Variants in APPL2 observed in about 807,000 individuals in gnomAD.
The protein encoded by APPL2 is DCC-interacting protein 13-beta.
A neutral mutation model predicts 92.7 loss-of-function variants in APPL2; 84 were observed. That is an observed-to-expected ratio of 0.91 (90% confidence interval 0.76 to 1.09). The LOEUF is 1.09. APPL2 is among the 50% of genes least tolerant of loss of function. The pLI, the probability that APPL2 is intolerant of heterozygous loss-of-function variation, is 0.00. For missense variants in APPL2, 736 were observed against 824.5 expected, an observed-to-expected ratio of 0.89 and a Z score of 1.31; for synonymous variants, 291 against 291.0, an observed-to-expected ratio of 1.00 and a Z score of 0.00.
chr12:105,196,051 T>C (rs1887612289), intron 11 of APPL2, among the ~76,000 whole-genome samples: 1 of 133,738 alleles, frequency 7.5e-6, no homozygotes. Flanking sequence ...CAAGGCCCTA[T>C]CTCAAACAAA....
intron 17 of APPL2, among the ~76,000 whole-genome samples, chr12:105,186,694 T>C (rs1344009986): frequency 1.6e-5 from 1 of 60,856 alleles, no homozygotes; most frequent in Non-Finnish European, 3.2e-5. Flanking sequence ...ATATATATCA[T>C]ATATCATATC....
In APPL2 at chr12:105,235,989, C is replaced by T. The variant is rs1280980533; in HGVS notation, c.24G>A (p.Leu8=). Residue 8 remains leucine (L), a synonymous_variant, in exon 1 of 21, where the codon CTG becomes CTA. Transcript: ENST00000258530. ...GGCTGTCCTGCAACGCCTCCTCTAG[C>T]AGGAGCTTGTCCACGGCGGGCATGG... MPAVDKL[L]LEEALQDSPQ... The T allele has an allele frequency of 3.0e-5, 37 of 1,253,776 alleles. No homozygotes were observed. The highest frequency in any genetic ancestry group is 3.7e-5 in the Non-Finnish European group (37 of 991,034). The allele number at this position is 1,253,776 out of a possible 1,614,324, so 77.7% of individuals were successfully genotyped here.
At chr12:105,204,698 T>C (rs1039876006) in intron 8 of APPL2, among the ~76,000 whole-genome samples, 11 of 152,196 alleles carry the variant, frequency 7.2e-5, no homozygotes, top group Admixed American at 4.6e-4. Context: ...CACAATGTCA[T>C]GGTGGCCTCC....
intron 17 of APPL2, among the ~76,000 whole-genome samples, chr12:105,179,561 C>T (rs999854591): frequency 6.6e-6 from 1 of 152,210 alleles, no homozygotes; most frequent in African/African-American, 2.4e-5. Context: ...AATCGCCACA[C>T]TGTCTTCCAC....
chr12:105,208,334 C>T, intron 5 of APPL2, 135 bp from the exon 6 acceptor site: 1 of 1,034,802 alleles, frequency 9.7e-7, no homozygotes, highest in Non-Finnish European at 1.4e-6. Context: ...CTGGCTCTCA[C>T]AGGCTGGCCC....
At chr12:105,202,253 T>C (rs1286614205) in intron 9 of APPL2, among the ~76,000 whole-genome samples, 1 of 152,216 alleles carries the variant, frequency 6.6e-6, no homozygotes, top group Non-Finnish European at 1.5e-5. Context: ...GAAGGCCATG[T>C]AGCCCGGGCG....
At position 105,186,667 on chromosome 12, in the gene APPL2, T is replaced by TATATGATATATTATATCATATATATC; in HGVS notation, c.1634+1605_1634+1606insGATATATATGATATAATATATCATAT. Among the ~76,000 whole-genome samples, 2 of 33,148 alleles carry TATATGATATATTATATCATATATATC rather than the reference T, an allele frequency of 6.0e-5. 1 individual carries two copies. The highest frequency in any genetic ancestry group is 9.6e-3 in the East Asian group (2 of 208). 21.7% of individuals were successfully genotyped at this position (33,148 alleles called of 152,430 possible). ...TATGATATCGATATCATATATATCA[T>TATATGATATATTATATCATATATATC]ATATATGATATATCATATATATATC... On this transcript the variant is annotated intron_variant, in intron 17 of 20. Transcript: ENST00000258530.
intron 2 of APPL2, among the ~76,000 whole-genome samples, chr12:105,220,046 A>G (rs193196754): frequency 2.6e-5 from 4 of 152,338 alleles, no homozygotes; most frequent in East Asian, 3.9e-4. Flanking sequence ...TAATAACTCT[A>G]TTTTATAGAT....
chr12:105,225,018 T>C (rs546671865), intron 2 of APPL2, among the ~76,000 whole-genome samples: 1 of 152,292 alleles, frequency 6.6e-6, no homozygotes, highest in South Asian at 2.1e-4. Context: ...TCAGGATCAG[T>C]AGTTCTGTAT....
At chr12:105,191,158 G>A (rs1310189504) in intron 14 of APPL2, among the ~76,000 whole-genome samples, 1 of 152,196 alleles carries the variant, frequency 6.6e-6, no homozygotes, top group Non-Finnish European at 1.5e-5. Context: ...ACTGGAATGT[G>A]GATGAAACAG....
At chr12:105,175,936 T>G in intron 20 of APPL2, 99 bp downstream of exon 20, 1 of 1,236,344 alleles carries the variant, frequency 8.1e-7, no homozygotes, top group Non-Finnish European at 1.1e-6. Flanking sequence ...TTGGCCACAC[T>G]TTCCAGTGAA....
At chr12:105,216,974 T>G (rs1043502427) in intron 4 of APPL2, 95 bp downstream of exon 4, 1 of 832,638 alleles carries the variant, frequency 1.2e-6, no homozygotes, top group Non-Finnish European at 1.9e-6. Flanking sequence ...CTCAGATATT[T>G]AAGTAGAAAT....
intron 16 of APPL2, among the ~76,000 whole-genome samples, chr12:105,188,786 T>C (rs1886952229): frequency 6.6e-6 from 1 of 152,210 alleles, no homozygotes; most frequent in Non-Finnish European, 1.5e-5. Context: ...CACTAGACAA[T>C]AGAAAATTCA....
chr12:105,176,435 T>C (rs1179669109), intron 19 of APPL2: 3 of 461,748 alleles, frequency 6.5e-6, no homozygotes, highest in Admixed American at 4.0e-5. Flanking sequence ...GATTGGTTAA[T>C]TGTGATAAAT....
At chr12:105,212,321 A>G (rs1889292697) in intron 4 of APPL2, among the ~76,000 whole-genome samples, 1 of 152,140 alleles carries the variant, frequency 6.6e-6, no homozygotes, top group Non-Finnish European at 1.5e-5. Flanking sequence ...ATTATCTAGG[A>G]GAAATAAAAA....
At position 105,228,531 on chromosome 12, in the gene APPL2, ATTTTAT is replaced by A. The variant is rs148921238; in HGVS notation, c.153+588_153+593del. ...TGTTCAATGCTTTGTAACATAAAGC[ATTTTAT>A]TTTTAAGTAACTCATAAATCTTCTC... On this transcript the variant is annotated intron_variant, in intron 2 of 20. Transcript: ENST00000258530. 1.1e-3 allele frequency among the ~76,000 whole-genome samples: 169 copies of A among 152,370 alleles called. 5 individuals carry two copies. The East Asian group carries it at 0.03, about 27-fold the overall frequency.
In APPL2 at chr12:105,207,207, C is replaced by T. The variant is rs758093594; in HGVS notation, c.475G>A (p.Val159Met). Residue 159 changes from valine (V) to methionine (M), a missense_variant and splice_region_variant, in exon 8 of 21, where the codon GTG becomes ATG. Physicochemically the swap from Val to Met is conservative, Grantham distance 21. Transcript: ENST00000258530. ...RLPKKKENEK[V>M]KTEVGKEVAA... ...ACCTCTTTTCCGACTTCGGTCTTCA[C>T]CTGGTTAAAAGGTGAAAGGAAAACT... 3 of 1,612,128 alleles carry T rather than the reference C, an allele frequency of 1.9e-6. No individual in the cohort carries two copies. The highest frequency in any genetic ancestry group is 2.5e-6 in the Non-Finnish European group (3 of 1,179,442).
At chr12:105,204,955 T>C (rs1888574414) in intron 8 of APPL2, among the ~76,000 whole-genome samples, 2 of 152,190 alleles carry the variant, frequency 1.3e-5, no homozygotes, top group African/African-American at 4.8e-5. Context: ...GAGCCTCAGT[T>C]TGCAGGCATG....
chr12:105,177,727 C>G (rs1187694094), intron 17 of APPL2, among the ~76,000 whole-genome samples: 1 of 152,140 alleles, frequency 6.6e-6, no homozygotes, highest in Non-Finnish European at 1.5e-5. Context: ...AAACTCTTAT[C>G]AATTTGGGTA....
Sources: allele counts gnomAD v4.1 joint callset (sites outside exome capture counted in the v4.1 genomes callset), GRCh38; gene constraint gnomAD v4.1.1; transcripts MANE v1.5; gene names NCBI Gene and HGNC (gene_info 2026-07-23, HGNC 2026-07-21).